WWOX: variants seen among roughly 807,000 people sequenced by gnomAD.
The protein encoded by WWOX is WW domain-containing oxidoreductase.
In WWOX, 69 loss-of-function variants were observed where a neutral mutation model predicts 46.2. That is an observed-to-expected ratio of 1.49 (90% CI 1.23 to 1.82). The LOEUF is 1.82. WWOX is among the 40% of genes most tolerant of loss of function. The pLI is 0.00. For missense variants in WWOX, 919 were observed against 542.6 expected (o/e 1.69, Z -6.89); for synonymous variants, 359 against 202.6 (o/e 1.77, Z -6.56).
chr16:78,454,716 C>G (rs374964597), intron 8 of WWOX, among the ~76,000 whole-genome samples: 11 of 152,066 alleles, frequency 7.2e-5, no homozygotes, highest in African/African-American at 2.2e-4. Flanking sequence ...AGGCTGGTCT[C>G]GAACTCTCAA....
At chr16:78,849,144 C>G (rs1296089039) in intron 8 of WWOX, among the ~76,000 whole-genome samples, 1 of 152,142 alleles carries the variant, frequency 6.6e-6, no homozygotes, top group Non-Finnish European at 1.5e-5. Flanking sequence ...TAACTGTGTA[C>G]CCCTCCTAGT....
chr16:78,759,459 G>T (rs1235942571), intron 8 of WWOX, among the ~76,000 whole-genome samples: 1 of 152,142 alleles, frequency 6.6e-6, no homozygotes, highest in Non-Finnish European at 1.5e-5. Context: ...AGCCAGTGAG[G>T]ATTTTGGTGG....
In WWOX at chr16:78,410,113, C is replaced by T. The variant is rs116465599; in HGVS notation, c.606-14757C>T. 3.4e-3 allele frequency among the ~76,000 whole-genome samples: 513 copies of T among 152,266 alleles called. 4 individuals are homozygous for T. The highest frequency in any genetic ancestry group is 0.012 in the African/African-American group (493 of 41,556). ...TCACATGATATCTGGCACCTTCCTTCCTCTGTTGCTCTTGCCCTCACCATG... is the reference window on the plus strand; with the variant it reads ...TCACATGATATCTGGCACCTTCCTTTCTCTGTTGCTCTTGCCCTCACCATG... On this transcript the variant is annotated intron_variant, in intron 6 of 8. Coordinates refer to ENST00000566780, the MANE Select transcript of WWOX (RefSeq NM_016373.4).
At chr16:78,804,461 A>T (rs565201408) in intron 8 of WWOX, among the ~76,000 whole-genome samples, 114 of 152,178 alleles carry the variant, frequency 7.5e-4, no homozygotes, top group African/African-American at 2.6e-3. Context: ...ATGAGAAAAG[A>T]CTTTTAATAT....
chr16:78,539,501 A>G (rs577243821), intron 8 of WWOX, among the ~76,000 whole-genome samples: 23 of 152,344 alleles, frequency 1.5e-4, no homozygotes, highest in Non-Finnish European at 2.2e-4. Context: ...TGGAGAAAGA[A>G]TAAGTGAAAA....
intron 8 of WWOX, among the ~76,000 whole-genome samples, chr16:78,622,139 T>C (rs1346679805): frequency 2.6e-5 from 4 of 152,294 alleles, no homozygotes; most frequent in Admixed American, 6.5e-5. Context: ...TGAAAAGATA[T>C]GACTATTGGG....
intron 8 of WWOX, among the ~76,000 whole-genome samples, chr16:78,817,557 C>G (rs1029002557): frequency 2.0e-5 from 3 of 152,184 alleles, no homozygotes; most frequent in African/African-American, 4.8e-5. Context: ...AATTCACGAA[C>G]CCATGCCAAG....
intron 8 of WWOX, among the ~76,000 whole-genome samples, chr16:78,610,471 G>C (rs991175536): frequency 6.6e-6 from 1 of 152,096 alleles, no homozygotes; most frequent in African/African-American, 2.4e-5. Context: ...AAAGATAAAA[G>C]GTCACCTACA....
At chr16:78,226,360 A>G (rs1235144896) in intron 5 of WWOX, among the ~76,000 whole-genome samples, 2 of 152,006 alleles carry the variant, frequency 1.3e-5, no homozygotes, top group Non-Finnish European at 2.9e-5. Context: ...ATTTTCAGGG[A>G]TGTATACTCT....
intron 8 of WWOX, among the ~76,000 whole-genome samples, chr16:78,840,382 T>C (rs2151167906): frequency 6.6e-6 from 1 of 152,296 alleles, no homozygotes; most frequent in Admixed American, 6.5e-5. Flanking sequence ...TGTACGTCTG[T>C]GGTTGACAAA....
intron 8 of WWOX, among the ~76,000 whole-genome samples, chr16:78,778,604 C>G (rs1266126574): frequency 6.6e-6 from 1 of 152,038 alleles, no homozygotes; most frequent in Non-Finnish European, 1.5e-5. Context: ...AAGGTGTGGT[C>G]TCAGAGTCAT....
intron 8 of WWOX, among the ~76,000 whole-genome samples, chr16:78,869,224 C>G (rs545710153): frequency 3.3e-5 from 5 of 152,196 alleles, no homozygotes; most frequent in Admixed American, 3.3e-4. Context: ...GGGTCCAAGC[C>G]TCCCTGAAGC....
Position 78,835,152 on chromosome 16 carries a change from C to T in WWOX, c.1057-376456C>T, listed in dbSNP as rs142367905. Among the ~76,000 whole-genome samples, 1,089 of 152,162 alleles carry T rather than the reference C, an allele frequency of 7.2e-3. 4 individuals carry two copies. Among genetic ancestry groups the T allele is most frequent in the Non-Finnish European group, 0.012 (823 of 68,010 alleles). ...GGCTTGAATCCAGTGTATCTTGCTCCGACAGCCTTGCTTTTGTCATTATCC... is the reference window on the plus strand; with the variant it reads ...GGCTTGAATCCAGTGTATCTTGCTCTGACAGCCTTGCTTTTGTCATTATCC... On this transcript the variant is annotated intron_variant, in intron 8 of 8. Transcript: ENST00000566780.
intron 8 of WWOX, among the ~76,000 whole-genome samples, chr16:79,036,872 C>T (rs1160964278): frequency 6.6e-6 from 1 of 152,166 alleles, no homozygotes; most frequent in South Asian, 2.1e-4. Context: ...GGATCAGATT[C>T]AGTGGAAGTG....
chr16:79,035,775 G>T (rs1311694604), intron 8 of WWOX, among the ~76,000 whole-genome samples: 1 of 150,810 alleles, frequency 6.6e-6, no homozygotes, highest in Non-Finnish European at 1.5e-5. Flanking sequence ...CTGATCTCAG[G>T]TGTTCCAAGA....
intron 8 of WWOX, among the ~76,000 whole-genome samples, chr16:78,791,704 C>G (rs1001388304): frequency 6.6e-6 from 1 of 151,996 alleles, no homozygotes; most frequent in Non-Finnish European, 1.5e-5. Flanking sequence ...ATGATGAAAC[C>G]CCGTCTCTAC....
At chr16:78,184,524 C>T (rs1268676600) in intron 5 of WWOX, among the ~76,000 whole-genome samples, 1 of 151,942 alleles carries the variant, frequency 6.6e-6, no homozygotes. Flanking sequence ...AACAGCTTAG[C>T]CGGCACCCAC....
intron 8 of WWOX, among the ~76,000 whole-genome samples, chr16:78,956,313 T>A (rs1250913229): frequency 2.0e-5 from 3 of 151,456 alleles, no homozygotes; most frequent in Non-Finnish European, 4.4e-5. Flanking sequence ...ACCCAGCTCA[T>A]TTTTTTTTAA....
At chr16:78,916,060 G>C (rs1203654012) in intron 8 of WWOX, among the ~76,000 whole-genome samples, 1 of 152,156 alleles carries the variant, frequency 6.6e-6, no homozygotes, top group Non-Finnish European at 1.5e-5. Flanking sequence ...TGAGTGTGCA[G>C]ACACGATGCT....
Sources: gnomAD v4.1 joint callset for allele counts (sites outside exome capture counted in the v4.1 genomes callset) on GRCh38, gnomAD v4.1.1 for gene constraint, MANE v1.5 for transcripts, NCBI Gene and HGNC (gene_info 2026-07-23, HGNC 2026-07-21) for gene names.